The following C3orf22 variants were observed in gnomAD, a reference collection of about 807,000 sequenced individuals.
C3orf22 encodes the protein chromosome 3 open reading frame 22, also known as uncharacterized protein C3orf22.
In C3orf22, 7 loss-of-function variants were observed where a neutral mutation model predicts 10.8. The ratio of observed to expected loss-of-function variants is 0.65; its 90% CI spans 0.37 to 1.22. The LOEUF is 1.22. Ranked by LOEUF, C3orf22 falls within the 50% of genes most tolerant of loss-of-function variation. The pLI is 0.02. For missense variants in C3orf22, 173 were observed against 177.0 expected, an observed-to-expected ratio of 0.98 and a Z score of 0.13; for synonymous variants, 79 against 78.9, an observed-to-expected ratio of 1.00 and a Z score of 0.00.
chr3:126,541,634 G>C (rs1487496364), intron 4 of C3orf22: 1 of 1,187,218 alleles, frequency 8.4e-7, no homozygotes, highest in African/African-American at 1.6e-5. Flanking sequence ...CGCAGCTCCT[G>C]CTCCCAATTC....
chr3:126,552,986 C>A (rs1476710801), intron 2 of C3orf22, among the ~76,000 whole-genome samples: 1 of 152,250 alleles, frequency 6.6e-6, no homozygotes, highest in Non-Finnish European at 1.5e-5. Context: ...GGGTGCCCAG[C>A]ACACCAATTC....
intron 4 of C3orf22, among the ~76,000 whole-genome samples, chr3:126,540,301 C>T (rs1330490713): frequency 6.6e-6 from 1 of 152,184 alleles, no homozygotes; most frequent in Non-Finnish European, 1.5e-5. Context: ...TTGTAACTAT[C>T]ACCGCTGTCT....
intron 4 of C3orf22, among the ~76,000 whole-genome samples, chr3:126,544,131 A>G (rs1937028414): frequency 6.6e-6 from 1 of 152,134 alleles, no homozygotes; most frequent in African/African-American, 2.4e-5. Context: ...ATCCATTGGT[A>G]GTTTACTGGA....
exon 5 of C3orf22, chr3:126,529,184 T>C (rs1936597328): frequency 1.5e-6 from 1 of 648,188 alleles, no homozygotes; most frequent in African/African-American, 1.9e-5. Context: ...CAGAGGAGGA[T>C]GGTCGTGCTT....
At chr3:126,529,462 C>T (rs1012617590) in intron 4 of C3orf22, 1 of 1,170,768 alleles carries the variant, frequency 8.5e-7, no homozygotes, top group African/African-American at 1.6e-5. Context: ...GATGCTGGCA[C>T]CGGTGGCCTG....
intron 1 of C3orf22, among the ~76,000 whole-genome samples, chr3:126,553,739 AT>A (rs1333439625): frequency 5.9e-5 from 9 of 152,112 alleles, no homozygotes; most frequent in African/African-American, 2.2e-4. Flanking sequence ...CAGCCATGTG[AT>A]TTCAGGAGCG....
intron 4 of C3orf22, among the ~76,000 whole-genome samples, chr3:126,538,089 C>A (rs1026942046): frequency 6.6e-6 from 1 of 152,232 alleles, no homozygotes; most frequent in African/African-American, 2.4e-5. Flanking sequence ...CTCATTTCCC[C>A]TGAGTCTCAG....
At chr3:126,549,648 A>C (rs1319558700), downstream of C3orf22, 3 of 1,509,290 alleles carry the variant, frequency 2.0e-6, no homozygotes, top group Admixed American at 2.0e-5. Context: ...TAGAGATGAG[A>C]AAATGAAGGC....
At chr3:126,557,794 G>C (rs1937386313) in intron 1 of C3orf22, among the ~76,000 whole-genome samples, 1 of 152,234 alleles carries the variant, frequency 6.6e-6, no homozygotes, top group Non-Finnish European at 1.5e-5. Flanking sequence ...AGAAGTCCCT[G>C]GGCCCTGAAG....
chr3:126,557,441 G>A (rs1248265819), intron 1 of C3orf22, among the ~76,000 whole-genome samples: 1 of 152,228 alleles, frequency 6.6e-6, no homozygotes, highest in South Asian at 2.1e-4. Flanking sequence ...CCAAAAGCCG[G>A]TGGGCTCGGG....
chr3:126,551,435 T>C, intron 3 of C3orf22, among the ~76,000 whole-genome samples: 1 of 152,186 alleles, frequency 6.6e-6, no homozygotes, highest in East Asian at 1.9e-4. Context: ...TCTCCACATC[T>C]GTTTAGGAGG....
At chr3:126,532,816 T>G (rs1238918634) in intron 4 of C3orf22, among the ~76,000 whole-genome samples, 2 of 152,226 alleles carry the variant, frequency 1.3e-5, no homozygotes, top group Admixed American at 1.3e-4. Context: ...CAGCTGGGAT[T>G]TTGACAGGAA....
At chr3:126,541,797 G>A (rs963741993) in intron 4 of C3orf22, 1 of 1,546,094 alleles carries the variant, frequency 6.5e-7, no homozygotes, top group Non-Finnish European at 8.7e-7. Context: ...AGCGCCTGTA[G>A]CCGCCACTCA....
intron 4 of C3orf22, among the ~76,000 whole-genome samples, chr3:126,534,249 A>G (rs1936715941): frequency 1.3e-5 from 2 of 152,388 alleles, no homozygotes; most frequent in Admixed American, 6.5e-5. Flanking sequence ...TATATAGGCT[A>G]TATTACTGAG....
chr3:126,542,442 C>T, intron 4 of C3orf22: 1 of 1,558,394 alleles, frequency 6.4e-7, no homozygotes, highest in Non-Finnish European at 8.7e-7. Context: ...CCCCGGGGAG[C>T]CGCCGCCTCC....
intron 4 of C3orf22, among the ~76,000 whole-genome samples, chr3:126,530,493 G>C (rs974365316): frequency 6.6e-6 from 1 of 152,200 alleles, no homozygotes; most frequent in Non-Finnish European, 1.5e-5. Flanking sequence ...AACACAGGCT[G>C]CTGAGCACCA....
intron 4 of C3orf22, among the ~76,000 whole-genome samples, chr3:126,533,866 AT>A (rs535305677): frequency 0.016 from 2,388 of 152,186 alleles, 27 homozygotes; most frequent in African/African-American, 0.023. Context: ...TGTTTGTGGG[AT>A]TTTTTTTTTA....
chr3:126,536,371 C>T lies in C3orf22; in HGVS notation c.287-6999G>A, dbSNP rs200537285. 7.6e-5 allele frequency: 121 copies of T among 1,600,226 alleles called. No individual in the cohort carries two copies. In the African/African-American group the frequency reaches 1.1e-3, roughly 14 times the overall value. ...TGGATCAGGTAGGTGGACAGACCCT[C>T]GACCCAGGCATGCCCCCCTCCATCC... On this transcript the variant is annotated intron_variant and NMD_transcript_variant, in intron 4 of 5. Coordinates refer to the C3orf22 transcript ENST00000505070.
chr3:126,536,393 A>G, intron 4 of C3orf22: 1 of 1,520,762 alleles, frequency 6.6e-7, no homozygotes, highest in Non-Finnish European at 9.1e-7. Context: ...GCCCCCCTCC[A>G]TCCCAGCCAG....
Sources: allele counts gnomAD v4.1 joint callset (sites outside exome capture counted in the v4.1 genomes callset), GRCh38; gene constraint gnomAD v4.1.1; transcripts MANE v1.5; gene names NCBI Gene and HGNC (gene_info 2026-07-23, HGNC 2026-07-21).